The following CELF2 variants were observed in gnomAD, a reference collection of about 807,000 sequenced individuals.
The protein encoded by CELF2 is CUG triplet repeat RNA-binding protein 2.
CELF2 carries 8 observed loss-of-function variants against 62.6 expected under a neutral mutation model. The observed-to-expected ratio is 0.13, with a 90% CI of 0.07 to 0.23. The LOEUF (loss-of-function observed/expected upper bound fraction) is 0.23. Among genes scored for constraint, CELF2 ranks in the 10% least tolerant of loss-of-function variants. The pLI is 1.00. For missense variants in CELF2, 333 were observed against 671.0 expected (o/e 0.50, Z 5.56); for synonymous variants, 258 against 250.0 (o/e 1.03, Z -0.30).
chr10:10,555,365 C>T, the CELF2 span, among the ~76,000 whole-genome samples: 2 of 151,468 alleles, frequency 1.3e-5, no homozygotes, highest in South Asian at 4.2e-4. Flanking sequence ...GCTGTTCAGT[C>T]TCCGTTCTGT....
At chr10:10,492,688 A>C in the CELF2 span, among the ~76,000 whole-genome samples, 1 of 152,176 alleles carries the variant, frequency 6.6e-6, no homozygotes, top group Admixed American at 6.6e-5. Context: ...ACCATAAACA[A>C]AAAGTGACAT....
intron 1 of CELF2, among the ~76,000 whole-genome samples, chr10:11,037,983 AC>A (rs1027853473): frequency 1.3e-5 from 2 of 149,286 alleles, no homozygotes; most frequent in African/African-American, 2.4e-5. Flanking sequence ...GAAAAAAAAA[AC>A]AGTGATTTTA....
chr10:10,518,451 G>A, the CELF2 span, among the ~76,000 whole-genome samples: 1 of 152,166 alleles, frequency 6.6e-6, no homozygotes, highest in Non-Finnish European at 1.5e-5. Context: ...CCTTTAATAA[G>A]CTGCTTAACC....
chr10:10,953,656 C>A (rs977119759), intron 2 of CELF2, among the ~76,000 whole-genome samples: 1 of 152,040 alleles, frequency 6.6e-6, no homozygotes, highest in African/African-American at 2.4e-5. Context: ...TTAGAAGGAA[C>A]CATGGGAGAA....
At chr10:11,062,481 C>T (rs1227572741) in intron 1 of CELF2, among the ~76,000 whole-genome samples, 5 of 152,064 alleles carry the variant, frequency 3.3e-5, no homozygotes, top group African/African-American at 1.2e-4. Context: ...TCAATATTAA[C>T]AGGAATTTGG....
chr10:10,507,124 T>G, the CELF2 span, among the ~76,000 whole-genome samples: 1 of 152,148 alleles, frequency 6.6e-6, no homozygotes, highest in Non-Finnish European at 1.5e-5. Flanking sequence ...TGTCCTAGGT[T>G]TCAGGCACTT....
At chr10:10,591,273 A>C in the CELF2 span, among the ~76,000 whole-genome samples, 81 of 152,298 alleles carry the variant, frequency 5.3e-4, no homozygotes, top group Non-Finnish European at 9.4e-4. Flanking sequence ...TTTTTTAATG[A>C]AACATTTAAT....
intron 1 of CELF2, among the ~76,000 whole-genome samples, chr10:10,918,378 A>G (rs2064546888): frequency 6.6e-6 from 1 of 152,246 alleles, no homozygotes; most frequent in Admixed American, 6.5e-5. Context: ...GTTTTGCTGA[A>G]GGAATGGAAA....
At chr10:10,555,145 A>G in the CELF2 span, among the ~76,000 whole-genome samples, 1 of 152,214 alleles carries the variant, frequency 6.6e-6, no homozygotes, top group African/African-American at 2.4e-5. Flanking sequence ...TTACAGATAC[A>G]TGAAAGAATG....
At chr10:10,784,235 G>A in the CELF2 span, among the ~76,000 whole-genome samples, 2 of 152,230 alleles carry the variant, frequency 1.3e-5, no homozygotes, top group African/African-American at 2.4e-5. Flanking sequence ...ATGGGCAGGT[G>A]TAGGAGCTGG....
intron 1 of CELF2, among the ~76,000 whole-genome samples, chr10:11,119,451 A>G (rs2057267292): frequency 6.6e-6 from 1 of 152,208 alleles, no homozygotes; most frequent in Non-Finnish European, 1.5e-5. Flanking sequence ...TTTTAAACAG[A>G]AAAATAATGT....
chr10:11,217,336 T>A lies in CELF2; in HGVS notation c.272-89T>A. ...ATTATTTTTAAATTGTGCGTCCTTT[T>A]AAGTAGATTGTTTGTTCGCCACAGT... On this transcript the variant is annotated intron_variant, in intron 2 of 12. Transcript: ENST00000633077. The surrounding 1 kb of genome is among the most constrained non-coding windows in gnomAD (Gnocchi z 5.6). The A allele has an allele frequency of 1.2e-6, 1 of 834,592 alleles. No homozygotes were observed. The highest frequency in any genetic ancestry group is 2.0e-6 in the Non-Finnish European group (1 of 512,242). 51.7% of individuals were successfully genotyped at this position (834,592 alleles called of 1,614,324 possible).
intron 1 of CELF2, among the ~76,000 whole-genome samples, chr10:10,854,841 C>G (rs2059609185): frequency 6.6e-6 from 1 of 151,898 alleles, no homozygotes; most frequent in African/African-American, 2.4e-5. Context: ...CCTGTTCTAA[C>G]CCCCTAGCTG....
the CELF2 span, among the ~76,000 whole-genome samples, chr10:10,505,654 G>A: frequency 2.0e-5 from 3 of 152,068 alleles, no homozygotes; most frequent in Admixed American, 2.0e-4. Flanking sequence ...CTTGGTGAGG[G>A]TAAAATTCTA....
Position 11,046,544 on chromosome 10 carries a change from G to A in CELF2, c.74+28381G>A, listed in dbSNP as rs189912175. ...TGTCCTGATTTCTTTTATGTCTTGG[G>A]CATGTGGGCTCAGTGCTAATTTTCA... is the stretch of plus-strand genomic sequence containing the variant. On this transcript the variant is annotated intron_variant, in intron 1 of 12. Transcript: ENST00000633077. The surrounding 1 kb of genome is among the most constrained non-coding windows in gnomAD (Gnocchi z 4.6). Among the ~76,000 whole-genome samples the A allele has an allele frequency of 1.9e-3, 289 of 152,286 alleles. 3 individuals carry two copies. Among genetic ancestry groups the A allele is most frequent in the African/African-American group, 6.4e-3 (268 of 41,564 alleles).
intron 1 of CELF2, among the ~76,000 whole-genome samples, chr10:10,810,387 A>G (rs1240879601): frequency 6.6e-6 from 1 of 152,160 alleles, no homozygotes; most frequent in Non-Finnish European, 1.5e-5. Flanking sequence ...TTTTACCTTG[A>G]TAGATCATCT....
intron 2 of CELF2, among the ~76,000 whole-genome samples, chr10:11,179,819 G>A (rs1479283193): frequency 6.6e-6 from 1 of 152,180 alleles, no homozygotes; most frequent in Non-Finnish European, 1.5e-5. Context: ...GGGGAAGGAG[G>A]GTCAGAGTTG....
At chr10:10,468,592 G>A in the CELF2 span, among the ~76,000 whole-genome samples, 2 of 151,920 alleles carry the variant, frequency 1.3e-5, no homozygotes, top group Non-Finnish European at 2.9e-5. Context: ...ATTGTGTAAG[G>A]TGAACCATTC....
upstream of CELF2, among the ~76,000 whole-genome samples, chr10:11,004,374 A>C (rs1043073270): frequency 1.3e-5 from 2 of 151,692 alleles, no homozygotes; most frequent in Non-Finnish European, 2.9e-5. This position sits in a 1 kb window ranked among gnomAD's most constrained non-coding sequence, Gnocchi z 5.0. Flanking sequence ...TTGATGACGG[A>C]TTGCTCAGTC....
Sources: allele counts gnomAD v4.1 joint callset (sites outside exome capture counted in the v4.1 genomes callset), GRCh38; gene constraint gnomAD v4.1.1; non-coding constraint Gnocchi (gnomAD v3.1); transcripts MANE v1.5; gene names NCBI Gene and HGNC (gene_info 2026-07-23, HGNC 2026-07-21).